The following NOS1AP variants were observed in gnomAD, a reference collection of about 807,000 sequenced individuals.
NOS1AP encodes nitric oxide synthase 1 adaptor protein, also known as carboxyl-terminal PDZ ligand of neuronal nitric oxide synthase protein.
NOS1AP carries 21 observed loss-of-function variants against 56.2 expected under a neutral mutation model. The ratio of observed to expected loss-of-function variants is 0.37; its 90% confidence interval spans 0.26 to 0.54. NOS1AP has a LOEUF of 0.54. Ranked by LOEUF, NOS1AP falls within the 20% of genes least tolerant of loss-of-function variation. The pLI is 0.84. For synonymous variants in NOS1AP, 270 were observed against 274.6 expected, an observed-to-expected ratio of 0.98 and a Z score of 0.17; for missense variants, 522 against 657.8, an observed-to-expected ratio of 0.79 and a Z score of 2.26.
At position 162,154,474 on chromosome 1, in the gene NOS1AP, C is replaced by T. The variant is rs780388688; in HGVS notation, c.175C>T (p.Arg59Trp). 1.9e-6 allele frequency: 3 copies of T among 1,613,644 alleles called. No individual in the cohort carries two copies. The highest frequency in any genetic ancestry group is 1.3e-5 in the African/African-American group (1 of 74,880). ...GATCGTGGCTGCCATGCGCCGGATA[C>T]GGGTGAGTGGCCAGAGGTGGACTGT... The part of the protein sequence containing the change: ...VEIVAAMRRI[R>W]YEFKAKNIKK... Residue 59 changes from arginine to tryptophan, a missense_variant and splice_region_variant, in exon 2 of 10, where the codon CGG (arginine) becomes TGG (tryptophan). Around this residue, in one of 4 missense-constraint regions of NOS1AP, gnomAD observed 132 missense variants for 218.1 expected, o/e 0.61. Transcript: ENST00000361897.
rs1177419401 is a variant in NOS1AP at position 162,370,161 on chromosome 1, T to G, written c.*2694T>G. 1 of 152,262 alleles carries G rather than the reference T, an allele frequency of 6.6e-6. No homozygotes were observed. The highest frequency in any genetic ancestry group is 1.5e-5 in the Non-Finnish European group (1 of 68,056). 9.4% of individuals were successfully genotyped at this position (152,262 alleles called of 1,614,324 possible). A position where few individuals can be genotyped will look rare whatever the true frequency, so the allele number is the denominator to read the frequency against. On this transcript the variant is annotated 3_prime_UTR_variant, in exon 10 of 10. Coordinates refer to ENST00000361897, the MANE Select transcript of NOS1AP (RefSeq NM_014697.3). ...CAGGAAAGAATTTCTCTGCACTGGATGGACTGTATATTGAGATTAAAAATT... is the reference window on the plus strand; with the variant it reads ...CAGGAAAGAATTTCTCTGCACTGGAGGGACTGTATATTGAGATTAAAAATT...
intron 8 of NOS1AP, chr1:162,360,518 T>A: frequency 3.6e-6 from 1 of 279,016 alleles, no homozygotes; most frequent in Non-Finnish European, 7.1e-6. Flanking sequence ...ATTCCCAGCC[T>A]TTTTCCTGAG....
chr1:162,355,231 G>A lies in NOS1AP; in HGVS notation c.640G>A (p.Glu214Lys). The change falls in exon 7 of 10, where the codon GAG becomes AAG. Residue 214 changes from glutamate (E) to lysine (K), a missense_variant. Around this residue, in one of 4 missense-constraint regions of NOS1AP, gnomAD observed 178 missense variants for 165.0 expected, o/e 1.08. Transcript: ENST00000361897. The stretch of plus-strand genomic sequence containing the variant: ...CGAGAGGGCCTCCACGGCCACTGCA[G>A]AGGAGACTGACATCGATGCGGTGGA... ...GAERASTATA[E>K]ETDIDAVEVP... is the part of the protein sequence containing the mutation. The A allele has an allele frequency of 1.9e-6, 3 of 1,614,214 alleles. No individual in the cohort carries two copies. Among genetic ancestry groups the A allele is most frequent in the Non-Finnish European group, 2.5e-6 (3 of 1,180,034 alleles).
chr1:162,184,178 T>C (rs1591614), intron 2 of NOS1AP, among the ~76,000 whole-genome samples: 76,103 of 151,954 alleles, frequency 0.5, 20,416 homozygotes, highest in East Asian at 0.76. Flanking sequence ...GGGAGAGAGA[T>C]GGGGGAATGG....
chr1:162,279,991 A>G (rs1276024448), intron 2 of NOS1AP, among the ~76,000 whole-genome samples: 1 of 152,176 alleles, frequency 6.6e-6, no homozygotes, highest in African/African-American at 2.4e-5. Flanking sequence ...AACATTTCAA[A>G]TACAAAGTTT....
chr1:162,286,142 T>C (rs1045292436), intron 2 of NOS1AP, among the ~76,000 whole-genome samples: 1 of 152,150 alleles, frequency 6.6e-6, no homozygotes, highest in African/African-American at 2.4e-5. Context: ...GAAGAGAAGG[T>C]TCTGGATTTC....
chr1:162,313,732 G>A (rs1375922604), intron 4 of NOS1AP, among the ~76,000 whole-genome samples: 1 of 152,188 alleles, frequency 6.6e-6, no homozygotes, highest in Non-Finnish European at 1.5e-5. Flanking sequence ...CCTGTGGGCT[G>A]TTTTAAGCAT....
intron 2 of NOS1AP, among the ~76,000 whole-genome samples, chr1:162,201,396 G>GTGCTGTGATAAATATGCA (rs1571122452): frequency 1.3e-5 from 2 of 152,136 alleles, no homozygotes; most frequent in East Asian, 3.8e-4. Context: ...ATTATGAATA[G>GTGCTGTGATAAATATGCA]TGCTGTGATA....
At chr1:162,144,624 G>T (rs1649377996) in intron 1 of NOS1AP, among the ~76,000 whole-genome samples, 1 of 151,980 alleles carries the variant, frequency 6.6e-6, no homozygotes, top group South Asian at 2.1e-4. Flanking sequence ...GGCCAAGTCA[G>T]CATCCCAGGT....
At chr1:162,224,973 A>G (rs569604118) in intron 2 of NOS1AP, among the ~76,000 whole-genome samples, 1 of 152,320 alleles carries the variant, frequency 6.6e-6, no homozygotes, top group East Asian at 1.9e-4. Context: ...AAAAAGAAGC[A>G]TCTCAGTAAA....
chr1:162,274,771 T>C (rs1654686903), intron 2 of NOS1AP, among the ~76,000 whole-genome samples: 1 of 152,216 alleles, frequency 6.6e-6, no homozygotes, highest in Admixed American at 6.5e-5. Context: ...GCCTCACCTG[T>C]CTCAATTCCT....
At chr1:162,231,660 C>T (rs1653129795) in intron 2 of NOS1AP, among the ~76,000 whole-genome samples, 1 of 152,082 alleles carries the variant, frequency 6.6e-6, no homozygotes, top group South Asian at 2.1e-4. Context: ...ATTTCAAGTG[C>T]TCAGTAGCTA....
intron 2 of NOS1AP, among the ~76,000 whole-genome samples, chr1:162,217,371 C>G (rs1199869339): frequency 6.7e-6 from 1 of 149,222 alleles, no homozygotes; most frequent in African/African-American, 2.5e-5. Flanking sequence ...TCAAGCGATT[C>G]TCCTGTCTCA....
chr1:162,325,743 T>G (rs183220425), intron 4 of NOS1AP, among the ~76,000 whole-genome samples: 30 of 152,314 alleles, frequency 2.0e-4, no homozygotes, highest in African/African-American at 6.7e-4. Context: ...AGAATACCAC[T>G]TGATTTTGTC....
intron 5 of NOS1AP, among the ~76,000 whole-genome samples, chr1:162,343,267 C>T (rs1425955124): frequency 6.6e-6 from 1 of 152,146 alleles, no homozygotes; most frequent in Admixed American, 6.5e-5. Flanking sequence ...GACCCAAGAA[C>T]GTGAGGTCTT....
Position 162,367,107 on chromosome 1 carries a change from G to C in NOS1AP, c.1161G>C (p.Val387=), listed in dbSNP as rs1354650508. ...EITFRSGALP[V]LCDPTTPKPE... is the part of the protein sequence containing the mutation. ...CCTTCCGCTCCGGAGCCCTGCCCGT[G>C]CTCTGTGACCCCACGACCCCTAAGC... The change falls in exon 10 of 10, where the codon GTG becomes GTC. Residue 387 remains valine, a synonymous_variant. Transcript: ENST00000361897. The surrounding 1 kb of genome is among the most constrained non-coding windows in gnomAD (Gnocchi z 6.5). The C allele has an allele frequency of 6.2e-7, 1 of 1,613,926 alleles. No homozygotes were observed. The highest frequency in any genetic ancestry group is 1.1e-5 in the South Asian group (1 of 91,084).
Position 162,251,118 on chromosome 1 carries a change from C to T in NOS1AP, c.178-36226C>T, listed in dbSNP as rs77679009. 3.2e-3 allele frequency among the ~76,000 whole-genome samples: 481 copies of T among 152,172 alleles called. 13 individuals are homozygous for T. Among genetic ancestry groups the T allele is most frequent in the Admixed American group, 0.023 (356 of 15,268 alleles). ...TGATAGTGTCATGAGACCACTACCACAAAAATAACCTGTTTATCTGTAAAT... is the reference window on the plus strand; with the variant it reads ...TGATAGTGTCATGAGACCACTACCATAAAAATAACCTGTTTATCTGTAAAT... On this transcript the variant is annotated intron_variant, in intron 2 of 9. Coordinates refer to ENST00000361897, the MANE Select transcript of NOS1AP (RefSeq NM_014697.3).
chr1:162,097,290 A>G (rs532367773), intron 1 of NOS1AP, among the ~76,000 whole-genome samples: 5 of 152,136 alleles, frequency 3.3e-5, no homozygotes, highest in Non-Finnish European at 5.9e-5. Context: ...TAGGCATTCT[A>G]TCTAAATGCT....
chr1:162,094,242 G>A (rs184478112), intron 1 of NOS1AP, among the ~76,000 whole-genome samples: 1 of 152,298 alleles, frequency 6.6e-6, no homozygotes, highest in East Asian at 1.9e-4. Context: ...GTGTGCTGGA[G>A]TGGTCTTCAT....
Sources: allele counts gnomAD v4.1 joint callset (sites outside exome capture counted in the v4.1 genomes callset), GRCh38; gene constraint gnomAD v4.1.1; regional missense constraint gnomAD v4.1.1; non-coding constraint Gnocchi (gnomAD v3.1); transcripts MANE v1.5; gene names NCBI Gene and HGNC (gene_info 2026-07-23, HGNC 2026-07-21).